CSRNP3: variants seen among roughly 807,000 people sequenced by gnomAD.
CSRNP3 encodes the protein cysteine and serine rich nuclear protein 3, also known as cysteine/serine-rich nuclear protein 3.
A neutral mutation model predicts 48.0 loss-of-function variants in CSRNP3; 12 were observed. The ratio of observed to expected loss-of-function variants is 0.25; its 90% CI spans 0.16 to 0.41. The LOEUF is 0.41. CSRNP3 is among the 10% of genes least tolerant of loss of function. CSRNP3 has a pLI of 1.00. For synonymous variants in CSRNP3, 263 were observed against 269.7 expected (o/e 0.98, Z 0.24); for missense variants, 580 against 724.4 (o/e 0.80, Z 2.29).
At chr2:165,558,303 A>G (rs934727049) in intron 3 of CSRNP3, among the ~76,000 whole-genome samples, 1 of 152,232 alleles carries the variant, frequency 6.6e-6, no homozygotes, top group African/African-American at 2.4e-5. Flanking sequence ...TGCTCATACA[A>G]ATATACTGCC....
intron 3 of CSRNP3, among the ~76,000 whole-genome samples, chr2:165,556,123 G>A (rs1417822975): frequency 1.3e-5 from 2 of 152,156 alleles, no homozygotes; most frequent in Non-Finnish European, 2.9e-5. Flanking sequence ...TGAAGGTGCG[G>A]AACTGAGAAA....
chr2:165,598,080 A>G lies in CSRNP3; in HGVS notation c.148+2867A>G, dbSNP rs140473345. 3.0e-3 allele frequency among the ~76,000 whole-genome samples: 462 copies of G among 152,282 alleles called. 4 individuals are homozygous for G. The highest frequency in any genetic ancestry group is 0.011 in the African/African-American group (439 of 41,566). On this transcript the variant is annotated intron_variant, in intron 4 of 6. Transcript: ENST00000651982. The stretch of plus-strand genomic sequence containing the variant: ...GAATTTATCTGAAGAGAGAAATATT[A>G]AAAACAAGGTGAAAACTATATAAAT...
chr2:165,502,174 T>A (rs1459702616), intron 2 of CSRNP3, among the ~76,000 whole-genome samples: 1 of 151,980 alleles, frequency 6.6e-6, no homozygotes, highest in Non-Finnish European at 1.5e-5. Flanking sequence ...ACATAATTAA[T>A]TATTATATAA....
intron 1 of CSRNP3, among the ~76,000 whole-genome samples, chr2:165,480,668 T>C (rs1040104810): frequency 4.6e-5 from 7 of 151,378 alleles, no homozygotes; most frequent in African/African-American, 9.7e-5. Flanking sequence ...CAGAACCAAA[T>C]TGGCAATGTG....
rs1174533414 is a variant in CSRNP3 at position 165,657,851 on chromosome 2, G to T, written c.239G>T (p.Gly80Val). ...GTGTACTACTTCACCAGGAGGCAAG[G>T]CTTCACAAGTGTGCCCAGTCAAGGG... ...VTVYYFTRRQGFTSVPSQGGS... is the reference protein window; with the variant it reads ...VTVYYFTRRQVFTSVPSQGGS... The change falls in exon 5 of 7, where the codon GGC becomes GTC. Residue 80 changes from glycine (G) to valine (V), a missense_variant. Coordinates refer to ENST00000651982, the MANE Select transcript of CSRNP3 (RefSeq NM_001172173.2). The T allele has an allele frequency of 6.2e-7, 1 of 1,613,888 alleles. No individual in the cohort carries two copies. Among genetic ancestry groups the T allele is most frequent in the Non-Finnish European group, 8.5e-7 (1 of 1,179,994 alleles).
chr2:165,652,429 G>GC (rs1401363817), intron 4 of CSRNP3, among the ~76,000 whole-genome samples: 3 of 151,912 alleles, frequency 2.0e-5, no homozygotes, highest in African/African-American at 7.2e-5. Flanking sequence ...GACCCAGGAG[G>GC]CGGAGGTTGC....
chr2:165,582,490 C>T (rs1216679087), intron 3 of CSRNP3, among the ~76,000 whole-genome samples: 3 of 152,288 alleles, frequency 2.0e-5, no homozygotes, highest in East Asian at 3.9e-4. Context: ...AAGAAATCCC[C>T]TGGAAATGTC....
chr2:165,540,477 A>T (rs537339817), intron 3 of CSRNP3, among the ~76,000 whole-genome samples: 2 of 152,170 alleles, frequency 1.3e-5, no homozygotes, highest in South Asian at 4.1e-4. Context: ...CATAATTAAT[A>T]CCTGCGATCT....
chr2:165,553,156 C>T (rs1339070095), intron 3 of CSRNP3, among the ~76,000 whole-genome samples: 1 of 152,124 alleles, frequency 6.6e-6, no homozygotes, highest in Non-Finnish European at 1.5e-5. Flanking sequence ...TTATCTCAAT[C>T]TCAAGCAGTC....
In CSRNP3 at chr2:165,685,625, C is replaced by CA. The variant is rs1687618836; in HGVS notation, c.*5873dup. ...ATGAGGTCATTTCAAAGATGTAAGTCACGTTGGTGACTACTTTCTTTTACT... is the reference window on the plus strand; with the variant it reads ...ATGAGGTCATTTCAAAGATGTAAGTCAACGTTGGTGACTACTTTCTTTTACT... On this transcript the variant is annotated 3_prime_UTR_variant, in exon 7 of 7. Transcript: ENST00000651982. 1 of 152,078 alleles carries CA rather than the reference C, an allele frequency of 6.6e-6. No individual in the cohort carries two copies. Among genetic ancestry groups the CA allele is most frequent in the Non-Finnish European group, 1.5e-5 (1 of 67,984 alleles). 9.4% of individuals were successfully genotyped at this position (152,078 alleles called of 1,614,324 possible).
At chr2:165,550,003 T>A (rs774850976) in intron 3 of CSRNP3, among the ~76,000 whole-genome samples, 18 of 152,296 alleles carry the variant, frequency 1.2e-4, no homozygotes, top group Non-Finnish European at 2.2e-4. Flanking sequence ...TCTTTAGCAA[T>A]TAAATTGCCA....
intron 5 of CSRNP3, among the ~76,000 whole-genome samples, chr2:165,661,784 C>T (rs1288086074): frequency 4.6e-5 from 7 of 152,160 alleles, no homozygotes; most frequent in Admixed American, 6.5e-5. Flanking sequence ...GTGAATTGCC[C>T]GCTGAATAAG....
chr2:165,652,907 C>T lies in CSRNP3; in HGVS notation c.149-4854C>T, dbSNP rs141531391. Among the ~76,000 whole-genome samples the T allele has an allele frequency of 9.2e-5, 14 of 152,266 alleles. No homozygotes were observed. The East Asian group carries it at 2.5e-3, about 27-fold the overall frequency. ...CACATTCTCCTCCCTCCTTTTCTTG[C>T]TCTTGACCTTGCTATAGTAAAGCCA... is the stretch of plus-strand genomic sequence containing the variant. On this transcript the variant is annotated intron_variant, in intron 4 of 6. Transcript: ENST00000651982.
chr2:165,588,578 C>G (rs1685668107), intron 3 of CSRNP3, among the ~76,000 whole-genome samples: 2 of 152,218 alleles, frequency 1.3e-5, no homozygotes, highest in Non-Finnish European at 2.9e-5. Flanking sequence ...GTTTTCTACA[C>G]TTAGACTTTC....
At chr2:165,530,776 T>C (rs577123024) in intron 3 of CSRNP3, among the ~76,000 whole-genome samples, 1 of 152,190 alleles carries the variant, frequency 6.6e-6, no homozygotes, top group East Asian at 1.9e-4. Context: ...ATCTACAAAT[T>C]TGTGTTACTC....
intron 3 of CSRNP3, among the ~76,000 whole-genome samples, chr2:165,555,861 T>C (rs1685154949): frequency 7.0e-6 from 1 of 143,424 alleles, no homozygotes; most frequent in Non-Finnish European, 1.5e-5. Context: ...GCTTCTATTA[T>C]TGGGGAATAA....
intron 3 of CSRNP3, among the ~76,000 whole-genome samples, chr2:165,589,074 T>A (rs1164199018): frequency 6.6e-6 from 1 of 152,230 alleles, no homozygotes; most frequent in Non-Finnish European, 1.5e-5. Flanking sequence ...AACAAAAATA[T>A]AATATGTAGG....
intron 1 of CSRNP3, among the ~76,000 whole-genome samples, chr2:165,493,891 G>A (rs537882876): frequency 1.3e-5 from 2 of 152,152 alleles, no homozygotes; most frequent in Admixed American, 6.5e-5. Flanking sequence ...CTTACTTATC[G>A]AGGTTACCTA....
intron 3 of CSRNP3, among the ~76,000 whole-genome samples, chr2:165,541,095 G>A (rs1390299830): frequency 6.6e-6 from 1 of 151,746 alleles, no homozygotes; most frequent in African/African-American, 2.4e-5. Context: ...TATTTTATTT[G>A]AGTATTTACC....
Sources: gnomAD v4.1 joint callset for allele counts (sites outside exome capture counted in the v4.1 genomes callset) on GRCh38, gnomAD v4.1.1 for gene constraint, MANE v1.5 for transcripts, NCBI Gene and HGNC (gene_info 2026-07-23, HGNC 2026-07-21) for gene names.